Variants in NSD1 observed in about 807,000 individuals in gnomAD.
NSD1 encodes the protein nuclear receptor binding SET domain protein 1.
A neutral mutation model predicts 242.7 loss-of-function variants in NSD1; 26 were observed. That is an observed-to-expected ratio of 0.11 (90% CI 0.08 to 0.15). The LOEUF (loss-of-function observed/expected upper bound fraction) is 0.15, where lower values mean the gene tolerates loss of function less well. Among genes scored for constraint, NSD1 ranks in the 10% least tolerant of loss-of-function variants. NSD1 has a pLI of 1.00. For missense variants in NSD1, 2,495 were observed against 3,272.8 expected, an observed-to-expected ratio of 0.76 and a Z score of 5.80; for synonymous variants, 1,106 against 1,178.1, an observed-to-expected ratio of 0.94 and a Z score of 1.25.
intron 2 of NSD1, among the ~76,000 whole-genome samples, chr5:177,175,117 C>T (rs1292931129): frequency 1.3e-5 from 2 of 152,000 alleles, no homozygotes. Flanking sequence ...GTGATCCACT[C>T]GCCTCAGCCT....
At chr5:177,214,460 A>G (rs1370126803) in intron 5 of NSD1, among the ~76,000 whole-genome samples, 1 of 152,190 alleles carries the variant, frequency 6.6e-6, no homozygotes, top group Non-Finnish European at 1.5e-5. Context: ...CTGAGACTCT[A>G]TACCCATTGA....
intron 16 of NSD1, among the ~76,000 whole-genome samples, chr5:177,271,299 CTAAG>C (rs1757924912): frequency 6.6e-6 from 1 of 152,130 alleles, no homozygotes; most frequent in Non-Finnish European, 1.5e-5. Context: ...TGAATGATTA[CTAAG>C]TGACTTTGAG....
At chr5:177,201,918 G>A (rs1458283106) in intron 3 of NSD1, among the ~76,000 whole-genome samples, 1 of 151,646 alleles carries the variant, frequency 6.6e-6, no homozygotes, top group Non-Finnish European at 1.5e-5. Flanking sequence ...TGTAATCCCA[G>A]CACTTTGGGA....
chr5:177,286,168 T>C (rs937964220), intron 20 of NSD1, among the ~76,000 whole-genome samples: 3 of 152,190 alleles, frequency 2.0e-5, no homozygotes, highest in Non-Finnish European at 4.4e-5. Flanking sequence ...GGCCTGTGTT[T>C]TAAATTTAAT....
At chr5:177,155,375 G>A (rs1481638866) in intron 2 of NSD1, among the ~76,000 whole-genome samples, 1 of 150,984 alleles carries the variant, frequency 6.6e-6, no homozygotes, top group Non-Finnish European at 1.5e-5. Flanking sequence ...TGATCCACCC[G>A]CCTCGGCCTC....
intron 14 of NSD1, among the ~76,000 whole-genome samples, chr5:177,263,436 A>G (rs190713189): frequency 6.6e-6 from 1 of 152,366 alleles, no homozygotes; most frequent in Admixed American, 6.5e-5. Context: ...CCACCTTAGT[A>G]TAAACCAAGG....
chr5:177,204,388 C>G, intron 4 of NSD1, 96 bp downstream of exon 4: 4 of 1,196,118 alleles, frequency 3.3e-6, no homozygotes, highest in Non-Finnish European at 4.8e-6. Context: ...GAACTTTGCT[C>G]TGTTTCCCAG....
At chr5:177,173,167 C>T (rs1283155830) in intron 2 of NSD1, among the ~76,000 whole-genome samples, 2 of 150,740 alleles carry the variant, frequency 1.3e-5, no homozygotes, top group African/African-American at 4.9e-5. Flanking sequence ...TGGCAGGTGC[C>T]TGTAGTCCCA....
chr5:177,171,320 G>A (rs1278219971), intron 2 of NSD1, among the ~76,000 whole-genome samples: 1 of 151,756 alleles, frequency 6.6e-6, no homozygotes, highest in African/African-American at 2.4e-5. Flanking sequence ...AAAAAAAAAG[G>A]AAACCTTGTA....
At chr5:177,230,252 T>C (rs1323312156) in intron 5 of NSD1, among the ~76,000 whole-genome samples, 1 of 152,130 alleles carries the variant, frequency 6.6e-6, no homozygotes, top group Admixed American at 6.5e-5. Flanking sequence ...CTCAGTATGT[T>C]ACTTTATTTT....
At chr5:177,198,456 C>A (rs912660239) in intron 3 of NSD1, among the ~76,000 whole-genome samples, 1 of 152,032 alleles carries the variant, frequency 6.6e-6, no homozygotes, top group African/African-American at 2.4e-5. Flanking sequence ...TGGCAGAGAG[C>A]GAAAGTACTC....
At chr5:177,162,284 T>A (rs536628724) in intron 2 of NSD1, among the ~76,000 whole-genome samples, 1 of 149,238 alleles carries the variant, frequency 6.7e-6, no homozygotes, top group South Asian at 2.1e-4. Flanking sequence ...GGCAAGAGAG[T>A]GAGACTCGGT....
rs552144844 is a variant in NSD1, at chr5:177,168,221, A to G, written c.928-23663A>G. 1.6e-4 allele frequency among the ~76,000 whole-genome samples: 25 copies of G among 152,302 alleles called. 1 individual carries two copies. In the South Asian group the frequency reaches 5.2e-3, roughly 32 times the overall value. On this transcript the variant is annotated intron_variant, in intron 2 of 22. Coordinates refer to ENST00000439151, the MANE Select transcript of NSD1 (RefSeq NM_022455.5). ...CACAGCCTAGGTTAAATTTATTCAT[A>G]GGTACAAACAGTTGTTAATTCCCAC...
Position 177,211,350 on chromosome 5 carries a change from A to T in NSD1, c.2951A>T (p.Asp984Val). The change falls in exon 5 of 23, where the codon GAC (aspartate) becomes GTC (valine). Residue 984 changes from aspartate to valine, a missense_variant. Around this residue, in one of 19 missense-constraint regions of NSD1, gnomAD observed 426 missense variants for 411.4 expected, o/e 1.04. Coordinates refer to ENST00000439151, the MANE Select transcript of NSD1 (RefSeq NM_022455.5). ...NSANPSPSGGDSALSGELSAS... is the reference protein window; with the variant it reads ...NSANPSPSGGVSALSGELSAS... ...GCCAATCCTAGCCCTAGTGGGGGTGACTCTGCATTATCTGGCGAGTTGTCT... is the reference window on the plus strand; with the variant it reads ...GCCAATCCTAGCCCTAGTGGGGGTGTCTCTGCATTATCTGGCGAGTTGTCT... 1 of 1,613,958 alleles carries T rather than the reference A, an allele frequency of 6.2e-7. No individual in the cohort carries two copies. Among genetic ancestry groups the T allele is most frequent in the Non-Finnish European group, 8.5e-7 (1 of 1,179,978 alleles).
intron 22 of NSD1, among the ~76,000 whole-genome samples, chr5:177,293,401 G>GA (rs2127278332): frequency 6.6e-6 from 1 of 152,150 alleles, no homozygotes; most frequent in Admixed American, 6.5e-5. Flanking sequence ...AAATAAGCAG[G>GA]AATCTAAATC....
Position 177,265,026 on chromosome 5 carries a change from T to G in NSD1, c.5147-2536T>G, listed in dbSNP as rs894811775. On this transcript the variant is annotated intron_variant, in intron 14 of 22. Coordinates refer to ENST00000439151, the MANE Select transcript of NSD1 (RefSeq NM_022455.5). ...AAGGGCAAGATTCTTGCCAAGAGAT[T>G]TCATGTGCATATTGAGCACATTAAG... is the stretch of plus-strand genomic sequence containing the variant. The G allele has an allele frequency of 3.9e-5, 30 of 770,366 alleles. No homozygotes were observed. The South Asian group carries it at 4.0e-4, about 10-fold the overall frequency. 47.7% of individuals were successfully genotyped at this position (770,366 alleles called of 1,614,324 possible).
chr5:177,289,033 C>T, intron 21 of NSD1, 108 bp downstream of exon 21: 2 of 851,806 alleles, frequency 2.3e-6, no homozygotes, highest in South Asian at 1.4e-5. Flanking sequence ...AAATTAATGA[C>T]ATTCAGCCAG....
Position 177,296,394 on chromosome 5 carries a change from A to G in NSD1, c.*935A>G. 1 of 233,326 alleles carries G rather than the reference A, an allele frequency of 4.3e-6. No homozygotes were observed. Among genetic ancestry groups the G allele is most frequent in the Non-Finnish European group, 8.5e-6 (1 of 118,086 alleles). The allele number at this position is 233,326 out of a possible 1,614,324, so 14.5% of individuals were successfully genotyped here. ...TTCTCTTTGTACATGAATCCACCCC[A>G]TCCCTATTTCCCTAAAACACTCAGG... On this transcript the variant is annotated 3_prime_UTR_variant, in exon 23 of 23. Transcript: ENST00000439151.
At chr5:177,163,282 A>G (rs1758909010) in intron 2 of NSD1, among the ~76,000 whole-genome samples, 1 of 151,866 alleles carries the variant, frequency 6.6e-6, no homozygotes, top group South Asian at 2.1e-4. Flanking sequence ...AGCTGGGACT[A>G]CAGGCACGCA....
Sources: gnomAD v4.1 joint callset for allele counts (sites outside exome capture counted in the v4.1 genomes callset) on GRCh38, gnomAD v4.1.1 for gene constraint, gnomAD v4.1.1 regional missense constraint, MANE v1.5 for transcripts, NCBI Gene and HGNC (gene_info 2026-07-23, HGNC 2026-07-21) for gene names.